Variants in CBR4 observed in about 807,000 individuals in gnomAD.
CBR4 encodes the protein carbonyl reductase 4.
A neutral mutation model predicts 21.0 loss-of-function variants in CBR4; 22 were observed. That is an observed-to-expected ratio of 1.05 (90% confidence interval 0.75 to 1.50). The LOEUF (loss-of-function observed/expected upper bound fraction) is 1.50, where lower values mean the gene tolerates loss of function less well. Ranked by LOEUF, CBR4 falls within the 40% of genes most tolerant of loss-of-function variation. The pLI is 0.00. For synonymous variants in CBR4, 100 were observed against 104.4 expected, an observed-to-expected ratio of 0.96 and a Z score of 0.26; for missense variants, 302 against 286.3, an observed-to-expected ratio of 1.05 and a Z score of -0.40.
intron 2 of CBR4, among the ~76,000 whole-genome samples, chr4:168,911,927 A>G (rs1248292907): frequency 6.6e-6 from 1 of 152,036 alleles, no homozygotes; most frequent in African/African-American, 2.4e-5. Context: ...TTTCTTTGTG[A>G]TGACCTCTCT....
At chr4:169,005,483 C>G (rs1730832593) in intron 3 of CBR4, 1 of 161,498 alleles carries the variant, frequency 6.2e-6, no homozygotes, top group Non-Finnish European at 1.4e-5. Context: ...TAGTAAGATT[C>G]TCAATTTACT....
Position 168,895,271 on chromosome 4 carries a change from A to G in CBR4, n.170-506T>C, listed in dbSNP as rs1338378418. Among the ~76,000 whole-genome samples the G allele has an allele frequency of 2.6e-5, 4 of 152,148 alleles. No homozygotes were observed. The South Asian group carries it at 8.3e-4, about 31-fold the overall frequency. Reference sequence around the variant, plus strand: ...GTGACGCACACCTGTAGTCCCAGCTACTCGGGAAGCTGAGGCAGGAGAATT... The same window carrying G: ...GTGACGCACACCTGTAGTCCCAGCTGCTCGGGAAGCTGAGGCAGGAGAATT... On this transcript the variant is annotated intron_variant and non_coding_transcript_variant, in intron 2 of 3. Coordinates refer to the CBR4 transcript ENST00000509108.
intron 4 of CBR4, among the ~76,000 whole-genome samples, chr4:168,994,736 G>A (rs559474878): frequency 9.9e-4 from 137 of 138,414 alleles, no homozygotes; most frequent in African/African-American, 3.5e-3. Flanking sequence ...CTACCACCAC[G>A]CCTGGCTAAT....
At chr4:168,898,724 G>A in intron 2 of CBR4, 1 of 1,576,012 alleles carries the variant, frequency 6.3e-7, no homozygotes, top group Non-Finnish European at 8.7e-7. Flanking sequence ...GGTGAGCTGG[G>A]AGATGGAGGC....
chr4:168,996,548 T>G (rs959590257), intron 4 of CBR4, among the ~76,000 whole-genome samples: 3 of 152,134 alleles, frequency 2.0e-5, no homozygotes, highest in Non-Finnish European at 2.9e-5. Context: ...TTTTATATAT[T>G]TATGTATTCA....
chr4:168,928,260 T>C, intron 2 of CBR4: 1 of 182,362 alleles, frequency 5.5e-6, no homozygotes, highest in Non-Finnish European at 1.2e-5. Flanking sequence ...GAATGTGACC[T>C]TTTTTTGCTG....
intron 2 of CBR4, among the ~76,000 whole-genome samples, chr4:168,935,271 T>G (rs930244434): frequency 6.6e-6 from 1 of 152,198 alleles, no homozygotes; most frequent in East Asian, 1.9e-4. Flanking sequence ...CCCACGGTTT[T>G]TGCAACCATA....
rs868581684 is a variant in CBR4 at position 168,989,233 on chromosome 4, C to A, written c.*917G>T. ...TTAATTTTTTAAATGTTGTATTTCT[C>A]GTTTTTAAATATTAATAGTTCACTA... On this transcript the variant is annotated 3_prime_UTR_variant, in exon 5 of 5. Transcript: ENST00000306193. 5.0e-5 allele frequency: 49 copies of A among 976,920 alleles called. No homozygotes were observed. In the African/African-American group the frequency reaches 7.4e-4, roughly 15 times the overall value. The allele number at this position is 976,920 out of a possible 1,614,324, so 60.5% of individuals were successfully genotyped here. A position where few individuals can be genotyped will look rare whatever the true frequency, so the allele number is the denominator to read the frequency against.
At chr4:168,939,256 G>T (rs1375229969) in intron 2 of CBR4, among the ~76,000 whole-genome samples, 4 of 152,092 alleles carry the variant, frequency 2.6e-5, no homozygotes, top group African/African-American at 9.7e-5. Context: ...ACCCCTTCAT[G>T]CAAAAAACTC....
chr4:168,961,975 GAGGAGAGGAGAGGAGAGGAA>G (rs1763873587), intron 2 of CBR4, among the ~76,000 whole-genome samples: 1 of 25,514 alleles, frequency 3.9e-5, no homozygotes, highest in African/African-American at 8.4e-5. Flanking sequence ...GAGGAGAGGA[GAGGAGAGGAGAGGAGAGGAA>G]AGGAAAGGAG....
At chr4:168,969,505 A>G (rs546107732) in intron 2 of CBR4, among the ~76,000 whole-genome samples, 2 of 152,244 alleles carry the variant, frequency 1.3e-5, no homozygotes, top group Admixed American at 1.3e-4. Flanking sequence ...TGAACCCTTA[A>G]AAGCAAAGAA....
intron 2 of CBR4, among the ~76,000 whole-genome samples, chr4:168,982,545 A>G (rs557586738): frequency 6.6e-6 from 1 of 152,244 alleles, no homozygotes; most frequent in East Asian, 1.9e-4. Flanking sequence ...TTCAGGATCT[A>G]AACTTGGTAC....
At chr4:168,978,452 G>A (rs985247511) in intron 2 of CBR4, among the ~76,000 whole-genome samples, 2 of 152,190 alleles carry the variant, frequency 1.3e-5, no homozygotes, top group Non-Finnish European at 2.9e-5. Context: ...AGGAAGCAAT[G>A]TAGTCAACAT....
intron 2 of CBR4, among the ~76,000 whole-genome samples, chr4:168,973,454 A>G (rs1158166118): frequency 6.6e-6 from 1 of 152,124 alleles, no homozygotes; most frequent in African/African-American, 2.4e-5. Context: ...CAGCCTCCCA[A>G]GTAGCTGGGA....
chr4:168,986,999 T>C (rs1049063349), downstream of CBR4, among the ~76,000 whole-genome samples: 1 of 152,128 alleles, frequency 6.6e-6, no homozygotes, highest in Non-Finnish European at 1.5e-5. Context: ...TCTCCACATT[T>C]CCCTCACCCT....
intron 4 of CBR4, among the ~76,000 whole-genome samples, chr4:168,999,569 T>C (rs1730230378): frequency 6.7e-6 from 1 of 148,312 alleles, no homozygotes; most frequent in African/African-American, 2.5e-5. Context: ...TATATAAATA[T>C]ATATTATGCT....
rs112548000 is a variant in CBR4, at chr4:168,997,922, G to A, written c.535+4149C>T. 9.7e-4 allele frequency among the ~76,000 whole-genome samples: 147 copies of A among 152,176 alleles called. 1 individual carries two copies. Among genetic ancestry groups the A allele is most frequent in the African/African-American group, 3.4e-3 (142 of 41,524 alleles). On this transcript the variant is annotated intron_variant, in intron 4 of 4. Transcript: ENST00000306193. ...GAAGAAATAAGGCTCTTACCAAAAA[G>A]CTAAACCAAGATTTTAACTAGAACA...
chr4:168,999,880 T>C lies in CBR4; in HGVS notation c.535+2191A>G, dbSNP rs17054611. Among the ~76,000 whole-genome samples the C allele has an allele frequency of 8.0e-3, 1,224 of 152,310 alleles. 12 individuals are homozygous for C. The highest frequency in any genetic ancestry group is 0.028 in the African/African-American group (1,175 of 41,564). Reference sequence around the variant, plus strand: ...TATATTCGTCATATGACACTGCAATTATTTGTTTACATGTCAGTCTTTTTC... The same window carrying C: ...TATATTCGTCATATGACACTGCAATCATTTGTTTACATGTCAGTCTTTTTC... On this transcript the variant is annotated intron_variant, in intron 4 of 4. Transcript: ENST00000306193.
intron 2 of CBR4, among the ~76,000 whole-genome samples, chr4:168,914,576 C>T (rs1407187619): frequency 6.6e-6 from 1 of 152,116 alleles, no homozygotes; most frequent in African/African-American, 2.4e-5. Flanking sequence ...AGTTCTGAGT[C>T]TATGCAAGGA....
Sources: allele counts gnomAD v4.1 joint callset (sites outside exome capture counted in the v4.1 genomes callset), GRCh38; gene constraint gnomAD v4.1.1; transcripts MANE v1.5; gene names NCBI Gene and HGNC (gene_info 2026-07-23, HGNC 2026-07-21).